The following GPM6A variants were observed in gnomAD, a reference collection of about 807,000 sequenced individuals.
GPM6A encodes neuronal membrane glycoprotein M6-a.
Under a neutral mutation model 32.1 loss-of-function variants are expected in GPM6A, and 7 were observed. The ratio of observed to expected loss-of-function variants is 0.22; its 90% confidence interval spans 0.12 to 0.41. The LOEUF is 0.41. Ranked by LOEUF, GPM6A falls within the 10% of genes least tolerant of loss-of-function variation. GPM6A has a pLI of 1.00. For missense variants in GPM6A, 235 were observed against 347.2 expected (o/e 0.68, Z 2.57); for synonymous variants, 130 against 123.4 (o/e 1.05, Z -0.35).
chr4:175,648,615 G>T (rs184311421), intron 4 of GPM6A, among the ~76,000 whole-genome samples: 5 of 152,272 alleles, frequency 3.3e-5, no homozygotes, highest in African/African-American at 1.2e-4. Context: ...AAAACCAAAA[G>T]GTCATCAGGG....
Position 175,866,498 on chromosome 4 carries a change from T to C in GPM6A, c.-22-54249A>G, listed in dbSNP as rs997865483. Among the ~76,000 whole-genome samples, 4 of 152,186 alleles carry C rather than the reference T, an allele frequency of 2.6e-5. No homozygotes were observed. In the South Asian group the frequency reaches 8.3e-4, roughly 31 times the overall value. Reference sequence around the variant, plus strand: ...CCATTCTGCCTTTTCCAGAATGTCATATAGTTAGAATCATGGAGTATGTAG... The same window carrying C: ...CCATTCTGCCTTTTCCAGAATGTCACATAGTTAGAATCATGGAGTATGTAG... On this transcript the variant is annotated intron_variant, in intron 1 of 7. Coordinates refer to the GPM6A transcript ENST00000280187.
intron 4 of GPM6A, among the ~76,000 whole-genome samples, chr4:175,650,052 C>T (rs1015168232): frequency 6.6e-6 from 1 of 152,080 alleles, no homozygotes; most frequent in Non-Finnish European, 1.5e-5. Context: ...TTGCTGTGGG[C>T]TCCTTTTCCG....
intron 1 of GPM6A, among the ~76,000 whole-genome samples, chr4:175,898,779 C>T (rs181260277): frequency 1.1e-3 from 171 of 152,230 alleles, no homozygotes; most frequent in African/African-American, 4.0e-3. Context: ...ATACAAATAG[C>T]CATCAAAGTT....
intron 1 of GPM6A, among the ~76,000 whole-genome samples, chr4:175,761,567 TTAAA>T (rs1301203144): frequency 2.0e-5 from 3 of 152,180 alleles, no homozygotes; most frequent in Non-Finnish European, 4.4e-5. Context: ...TTTGCCGCAA[TTAAA>T]TAGTTAAGTA....
At chr4:175,680,837 C>G (rs73020118) in intron 2 of GPM6A, among the ~76,000 whole-genome samples, 122 of 152,212 alleles carry the variant, frequency 8.0e-4, no homozygotes, top group African/African-American at 2.5e-3. Flanking sequence ...TGTGCATACT[C>G]CATATATTCT....
intron 1 of GPM6A, among the ~76,000 whole-genome samples, chr4:175,836,542 T>G (rs1481358945): frequency 6.6e-6 from 1 of 151,966 alleles, no homozygotes; most frequent in African/African-American, 2.4e-5. Flanking sequence ...TTTACAGAAG[T>G]AGGGTAAAAG....
intron 2 of GPM6A, among the ~76,000 whole-genome samples, chr4:175,688,063 G>A (rs1296902263): frequency 6.6e-6 from 1 of 151,974 alleles, no homozygotes; most frequent in African/African-American, 2.4e-5. Flanking sequence ...TTGCTATTGA[G>A]TTGTAGGAGT....
intron 1 of GPM6A, among the ~76,000 whole-genome samples, chr4:175,907,608 T>C (rs925002717): frequency 6.6e-6 from 1 of 152,114 alleles, no homozygotes; most frequent in Non-Finnish European, 1.5e-5. Context: ...TCTCACCTTC[T>C]CTTGCCCTTC....
intron 3 of GPM6A, among the ~76,000 whole-genome samples, chr4:175,663,004 C>T (rs1742516877): frequency 6.6e-6 from 1 of 151,944 alleles, no homozygotes; most frequent in Non-Finnish European, 1.5e-5. Flanking sequence ...TTTTCCCTAC[C>T]TCAAACATTT....
At chr4:175,741,994 T>C (rs1731906338) in intron 1 of GPM6A, among the ~76,000 whole-genome samples, 1 of 152,072 alleles carries the variant, frequency 6.6e-6, no homozygotes, top group African/African-American at 2.4e-5. Context: ...AAGAATTAAA[T>C]TATTCTAACT....
chr4:175,971,101 C>T, intron 1 of GPM6A: 1 of 265,280 alleles, frequency 3.8e-6, no homozygotes, highest in Non-Finnish European at 7.4e-6. Context: ...GCAGCATCAA[C>T]CACCTTCAAA....
At chr4:175,986,154 T>C (rs1740968519) in intron 1 of GPM6A, among the ~76,000 whole-genome samples, 1 of 152,194 alleles carries the variant, frequency 6.6e-6, no homozygotes, top group African/African-American at 2.4e-5. Flanking sequence ...ATCATATGGT[T>C]TTTTTCCTTC....
chr4:175,704,805 A>G (rs1022587340), intron 1 of GPM6A, among the ~76,000 whole-genome samples: 7 of 152,210 alleles, frequency 4.6e-5, no homozygotes, highest in African/African-American at 1.7e-4. Context: ...TCAAGGTAGA[A>G]TAAGTTCATA....
chr4:175,677,951 G>T (rs1372500665), intron 2 of GPM6A, among the ~76,000 whole-genome samples: 1 of 152,154 alleles, frequency 6.6e-6, no homozygotes, highest in Non-Finnish European at 1.5e-5. Context: ...TCACATGATG[G>T]TTAGGATATA....
At chr4:175,949,246 G>A (rs1166522853) in intron 1 of GPM6A, among the ~76,000 whole-genome samples, 1 of 152,118 alleles carries the variant, frequency 6.6e-6, no homozygotes, top group Non-Finnish European at 1.5e-5. Flanking sequence ...ATGAAAATAT[G>A]TATATCCTTT....
intron 1 of GPM6A, among the ~76,000 whole-genome samples, chr4:175,720,002 A>C (rs765535088): frequency 7.2e-5 from 11 of 152,140 alleles, no homozygotes; most frequent in Non-Finnish European, 1.0e-4. Flanking sequence ...TGTTGCTTCT[A>C]TTACAATCTG....
At chr4:175,726,247 C>G (rs1746404954) in intron 1 of GPM6A, among the ~76,000 whole-genome samples, 1 of 151,940 alleles carries the variant, frequency 6.6e-6, no homozygotes, top group Admixed American at 6.6e-5. Context: ...GATCTGCCCT[C>G]CTCGGCCTCC....
At chr4:175,670,109 T>C (rs964646047) in intron 3 of GPM6A, among the ~76,000 whole-genome samples, 1 of 152,220 alleles carries the variant, frequency 6.6e-6, no homozygotes, top group African/African-American at 2.4e-5. Flanking sequence ...TTATAGCACT[T>C]TGTTGTGGTA....
chr4:175,681,398 T>C (rs1344857196), intron 2 of GPM6A, among the ~76,000 whole-genome samples: 1 of 152,180 alleles, frequency 6.6e-6, no homozygotes, highest in East Asian at 1.9e-4. Context: ...TTTTATGAAT[T>C]GTCTATTCAT....
Sources: allele counts gnomAD v4.1 joint callset (sites outside exome capture counted in the v4.1 genomes callset), GRCh38; gene constraint gnomAD v4.1.1; transcripts MANE v1.5; gene names NCBI Gene and HGNC (gene_info 2026-07-23, HGNC 2026-07-21).